The following WWOX variants were observed in gnomAD, a reference collection of about 807,000 sequenced individuals.
The protein encoded by WWOX is WW domain-containing oxidoreductase.
Under a neutral mutation model 46.2 loss-of-function variants are expected in WWOX, and 69 were observed. The observed-to-expected ratio is 1.49, with a 90% CI of 1.23 to 1.82. WWOX has a LOEUF of 1.82. Ranked by LOEUF, WWOX falls within the 40% of genes most tolerant of loss-of-function variation. The pLI is 0.00. For synonymous variants in WWOX, 359 were observed against 202.6 expected (o/e 1.77, Z -6.56); for missense variants, 919 against 542.6 (o/e 1.69, Z -6.89).
intron 8 of WWOX, among the ~76,000 whole-genome samples, chr16:78,605,172 T>G (rs1006153332): frequency 9.9e-5 from 15 of 151,568 alleles, no homozygotes; most frequent in Non-Finnish European, 1.8e-4. Context: ...TAGGAATGCC[T>G]GATGTATCTG....
chr16:78,292,921 G>A (rs1447377732), intron 5 of WWOX, among the ~76,000 whole-genome samples: 2 of 152,186 alleles, frequency 1.3e-5, no homozygotes, highest in Non-Finnish European at 2.9e-5. Flanking sequence ...TTCTGCCAGA[G>A]TGTGAGGAAA....
At chr16:79,194,927 A>G (rs1033149625) in intron 8 of WWOX, among the ~76,000 whole-genome samples, 6 of 152,174 alleles carry the variant, frequency 3.9e-5, no homozygotes, top group African/African-American at 7.2e-5. Flanking sequence ...AGAAAGAACC[A>G]TGCAGGCAGA....
At chr16:78,575,044 T>TATATAAAA (rs2044831920) in intron 8 of WWOX, among the ~76,000 whole-genome samples, 1 of 6,768 alleles carries the variant, frequency 1.5e-4, no homozygotes, top group Non-Finnish European at 2.8e-4. Flanking sequence ...TATATATATA[T>TATATAAAA]ATATATATAT....
chr16:78,597,572 G>A (rs2045520283), intron 8 of WWOX, among the ~76,000 whole-genome samples: 1 of 152,048 alleles, frequency 6.6e-6, no homozygotes. Context: ...GAAAAGCCAG[G>A]ACTTAGATTT....
intron 8 of WWOX, among the ~76,000 whole-genome samples, chr16:78,627,534 G>A (rs2046337658): frequency 6.6e-6 from 1 of 152,150 alleles, no homozygotes; most frequent in Non-Finnish European, 1.5e-5. Flanking sequence ...TCACCAATGA[G>A]AGTTCAGGTG....
intron 3 of WWOX, among the ~76,000 whole-genome samples, chr16:78,114,133 T>C (rs1342050200): frequency 6.6e-6 from 1 of 150,734 alleles, no homozygotes; most frequent in Non-Finnish European, 1.5e-5. Context: ...GGTCTTGGTC[T>C]GTCACCCAGG....
At chr16:78,647,715 C>G (rs1005666465) in intron 8 of WWOX, among the ~76,000 whole-genome samples, 6 of 152,220 alleles carry the variant, frequency 3.9e-5, no homozygotes, top group African/African-American at 1.2e-4. Flanking sequence ...GACTCAGAAG[C>G]TCCTGGCTGG....
chr16:79,076,893 C>T (rs944969930), intron 8 of WWOX, among the ~76,000 whole-genome samples: 5 of 152,134 alleles, frequency 3.3e-5, no homozygotes, highest in South Asian at 2.1e-4. Flanking sequence ...TTGTTTTATG[C>T]GTATTGTCCT....
chr16:78,441,121 T>A (rs978337603), intron 8 of WWOX, among the ~76,000 whole-genome samples: 1 of 152,046 alleles, frequency 6.6e-6, no homozygotes, highest in Non-Finnish European at 1.5e-5. Context: ...GTTTGTATTT[T>A]TAGTAGAGAC....
At chr16:78,547,049 G>C (rs745408089) in intron 8 of WWOX, among the ~76,000 whole-genome samples, 2 of 148,880 alleles carry the variant, frequency 1.3e-5, no homozygotes, top group African/African-American at 5.0e-5. Flanking sequence ...GGTTGCTTGA[G>C]CCTGGGAGGT....
At chr16:79,122,265 G>A (rs2049650879) in intron 8 of WWOX, among the ~76,000 whole-genome samples, 1 of 152,076 alleles carries the variant, frequency 6.6e-6, no homozygotes, top group Admixed American at 6.5e-5. Flanking sequence ...TTTAGGCTGA[G>A]CCAAAAAAGA....
chr16:78,196,421 C>G (rs1349974329), intron 5 of WWOX, among the ~76,000 whole-genome samples: 1 of 152,186 alleles, frequency 6.6e-6, no homozygotes, highest in Admixed American at 6.5e-5. Context: ...AACCAAGGCT[C>G]CTTTTGCAAA....
At chr16:78,942,489 AG>A (rs1330335428) in intron 8 of WWOX, among the ~76,000 whole-genome samples, 1 of 152,192 alleles carries the variant, frequency 6.6e-6, no homozygotes, top group Non-Finnish European at 1.5e-5. Context: ...AGAAGACAGA[AG>A]AAAAATTGAT....
chr16:78,485,225 A>G (rs1357563912), intron 8 of WWOX, among the ~76,000 whole-genome samples: 1 of 151,986 alleles, frequency 6.6e-6, no homozygotes, highest in Non-Finnish European at 1.5e-5. Flanking sequence ...AGTTTCATAT[A>G]CTCCCTGTCC....
chr16:79,077,150 A>T (rs974825710), intron 8 of WWOX, among the ~76,000 whole-genome samples: 1 of 152,186 alleles, frequency 6.6e-6, no homozygotes, highest in Non-Finnish European at 1.5e-5. Context: ...GCTTTGTAGA[A>T]TTAATCGGAG....
intron 8 of WWOX, among the ~76,000 whole-genome samples, chr16:78,503,415 T>C (rs2085117003): frequency 6.6e-6 from 1 of 152,088 alleles, no homozygotes; most frequent in Non-Finnish European, 1.5e-5. Flanking sequence ...ACTCCAGATC[T>C]TCAGTGTGGA....
chr16:79,049,006 C>T (rs940153002), intron 8 of WWOX, among the ~76,000 whole-genome samples: 1 of 152,188 alleles, frequency 6.6e-6, no homozygotes, highest in African/African-American at 2.4e-5. Context: ...ATGAGAATCC[C>T]TGAGGGACAG....
intron 8 of WWOX, among the ~76,000 whole-genome samples, chr16:78,542,711 A>G (rs1374536334): frequency 6.6e-6 from 1 of 152,234 alleles, no homozygotes; most frequent in Non-Finnish European, 1.5e-5. Context: ...TTCTTCTATC[A>G]GCCCTCTAAA....
chr16:78,926,600 G>A (rs1342143396), intron 8 of WWOX, among the ~76,000 whole-genome samples: 1 of 152,166 alleles, frequency 6.6e-6, no homozygotes, highest in Admixed American at 6.5e-5. Flanking sequence ...CTGTGATGCG[G>A]GAGTGGTTTG....
Sources: gnomAD v4.1 joint callset for allele counts (sites outside exome capture counted in the v4.1 genomes callset) on GRCh38, gnomAD v4.1.1 for gene constraint, MANE v1.5 for transcripts, NCBI Gene and HGNC (gene_info 2026-07-23, HGNC 2026-07-21) for gene names.